ADAMTS12: variants seen among roughly 807,000 people sequenced by gnomAD.
ADAMTS12 encodes the protein A disintegrin and metalloproteinase with thrombospondin motifs 12.
A neutral mutation model predicts 167.8 loss-of-function variants in ADAMTS12; 118 were observed. That is an observed-to-expected ratio of 0.70 (90% CI 0.61 to 0.82). ADAMTS12 has a LOEUF of 0.82. Ranked by LOEUF, ADAMTS12 falls within the 40% of genes least tolerant of loss-of-function variation. The pLI is 0.00. For missense variants in ADAMTS12, 1,916 were observed against 1,998.8 expected (o/e 0.96, Z 0.79); for synonymous variants, 704 against 716.9 (o/e 0.98, Z 0.29).
intron 2 of ADAMTS12, among the ~76,000 whole-genome samples, chr5:33,827,462 C>CA (rs1322948738): frequency 6.6e-6 from 1 of 152,058 alleles, no homozygotes; most frequent in African/African-American, 2.4e-5. Context: ...GCCAAGAACC[C>CA]AGTCATGCTG....
At chr5:33,826,793 T>C (rs912351316) in intron 2 of ADAMTS12, among the ~76,000 whole-genome samples, 1 of 152,044 alleles carries the variant, frequency 6.6e-6, no homozygotes, top group African/African-American at 2.4e-5. Flanking sequence ...AAATAAACAG[T>C]TAAGTACTAC....
intron 13 of ADAMTS12, among the ~76,000 whole-genome samples, chr5:33,627,381 G>GGGA (rs1739709706): frequency 6.6e-6 from 1 of 151,268 alleles, no homozygotes; most frequent in Non-Finnish European, 1.5e-5. Flanking sequence ...TGATGGTGGT[G>GGGA]GTGGGAGTAG....
intron 2 of ADAMTS12, among the ~76,000 whole-genome samples, chr5:33,875,271 T>C (rs950488035): frequency 6.6e-6 from 1 of 152,164 alleles, no homozygotes; most frequent in Non-Finnish European, 1.5e-5. Flanking sequence ...TATAAATTGG[T>C]CCAAACCTAT....
chr5:33,647,529 G>A (rs13176485), intron 9 of ADAMTS12, among the ~76,000 whole-genome samples: 21,038 of 152,092 alleles, frequency 0.14, 1,873 homozygotes, highest in Non-Finnish European at 0.2. Context: ...TCAGGAGTTC[G>A]AGACCAGCCT....
intron 19 of ADAMTS12, among the ~76,000 whole-genome samples, chr5:33,570,390 T>C (rs1399622236): frequency 3.1e-4 from 47 of 152,058 alleles, no homozygotes; most frequent in East Asian, 9.7e-4. Flanking sequence ...AGACTAACAG[T>C]GGATCTCTCG....
At chr5:33,628,018 G>C (rs1240130340) in intron 13 of ADAMTS12, among the ~76,000 whole-genome samples, 2 of 152,122 alleles carry the variant, frequency 1.3e-5, no homozygotes, top group Non-Finnish European at 2.9e-5. Flanking sequence ...TCAAAAAAGG[G>C]GTGTGATGGG....
At chr5:33,655,992 G>A (rs1741048306) in intron 7 of ADAMTS12, among the ~76,000 whole-genome samples, 1 of 152,048 alleles carries the variant, frequency 6.6e-6, no homozygotes, top group Admixed American at 6.6e-5. Context: ...TCTGCCTTCA[G>A]TGTTCTTTAA....
intron 9 of ADAMTS12, among the ~76,000 whole-genome samples, chr5:33,646,172 A>G: frequency 6.6e-6 from 1 of 152,170 alleles, no homozygotes; most frequent in South Asian, 2.1e-4. Context: ...TGTTTCTAGT[A>G]AACAATGGGA....
chr5:33,636,909 A>G (rs1302301964), intron 12 of ADAMTS12, among the ~76,000 whole-genome samples: 3 of 152,058 alleles, frequency 2.0e-5, no homozygotes, highest in Non-Finnish European at 4.4e-5. Flanking sequence ...CTCCAACTCC[A>G]TTATGTCCCC....
chr5:33,669,787 A>G (rs2112233912), intron 5 of ADAMTS12, among the ~76,000 whole-genome samples: 1 of 152,236 alleles, frequency 6.6e-6, no homozygotes, highest in East Asian at 1.9e-4. Flanking sequence ...GGCCAAAAAC[A>G]AATAAACAAA....
At chr5:33,690,600 C>T (rs1002492197) in intron 3 of ADAMTS12, among the ~76,000 whole-genome samples, 8 of 152,138 alleles carry the variant, frequency 5.3e-5, no homozygotes, top group African/African-American at 1.7e-4. Context: ...TCCCAAAATA[C>T]CAACATAATT....
intron 2 of ADAMTS12, among the ~76,000 whole-genome samples, chr5:33,792,421 GA>G (rs1480111393): frequency 6.6e-6 from 1 of 152,230 alleles, no homozygotes; most frequent in Non-Finnish European, 1.5e-5. Flanking sequence ...GCCCATTTGA[GA>G]AAATTAGATA....
chr5:33,699,889 C>T (rs911277754), intron 3 of ADAMTS12, among the ~76,000 whole-genome samples: 1 of 152,052 alleles, frequency 6.6e-6, no homozygotes, highest in African/African-American at 2.4e-5. Context: ...AACAAGCAAA[C>T]TACACAAAGA....
intron 2 of ADAMTS12, among the ~76,000 whole-genome samples, chr5:33,837,342 G>C (rs1748569965): frequency 6.6e-6 from 1 of 152,218 alleles, no homozygotes; most frequent in African/African-American, 2.4e-5. Flanking sequence ...GAGTGGCAAT[G>C]GTGGAAAGTG....
chr5:33,820,333 G>C (rs1579963590), intron 2 of ADAMTS12, among the ~76,000 whole-genome samples: 1 of 152,156 alleles, frequency 6.6e-6, no homozygotes, highest in Admixed American at 6.5e-5. Flanking sequence ...CAATAATCAA[G>C]TTGTTATCAT....
At chr5:33,716,448 C>T (rs1019080563) in intron 3 of ADAMTS12, among the ~76,000 whole-genome samples, 2 of 152,030 alleles carry the variant, frequency 1.3e-5, no homozygotes, top group Non-Finnish European at 2.9e-5. Context: ...GAAAATCAAC[C>T]AATTGTGTAT....
chr5:33,699,281 T>C (rs1432531862), intron 3 of ADAMTS12, among the ~76,000 whole-genome samples: 1 of 152,050 alleles, frequency 6.6e-6, no homozygotes, highest in Non-Finnish European at 1.5e-5. Flanking sequence ...TAACAGATTA[T>C]TGACAAATGT....
chr5:33,543,358 G>A (rs1744802535), intron 22 of ADAMTS12, among the ~76,000 whole-genome samples: 1 of 152,162 alleles, frequency 6.6e-6, no homozygotes, highest in Non-Finnish European at 1.5e-5. Flanking sequence ...CTCTGAAATT[G>A]AGGCAATAAT....
At chr5:33,684,991 G>A (rs1258012025) in intron 3 of ADAMTS12, among the ~76,000 whole-genome samples, 2 of 152,224 alleles carry the variant, frequency 1.3e-5, no homozygotes, top group African/African-American at 4.8e-5. Context: ...AAAAGTTCCA[G>A]TGGGCTCAGA....
Sources: allele counts gnomAD v4.1 joint callset (sites outside exome capture counted in the v4.1 genomes callset), GRCh38; gene constraint gnomAD v4.1.1; transcripts MANE v1.5; gene names NCBI Gene and HGNC (gene_info 2026-07-23, HGNC 2026-07-21).